GALNTL6: variants seen among roughly 807,000 people sequenced by gnomAD.
GALNTL6 encodes the protein polypeptide N-acetylgalactosaminyltransferase-like 6.
GALNTL6 carries 46 observed loss-of-function variants against 73.7 expected under a neutral mutation model. The ratio of observed to expected loss-of-function variants is 0.62; its 90% CI spans 0.49 to 0.80. The LOEUF (loss-of-function observed/expected upper bound fraction) is 0.80. Among genes scored for constraint, GALNTL6 ranks in the 30% least tolerant of loss-of-function variants. GALNTL6 has a pLI of 0.00. For synonymous variants in GALNTL6, 259 were observed against 263.7 expected, an observed-to-expected ratio of 0.98 and a Z score of 0.17; for missense variants, 604 against 755.0, an observed-to-expected ratio of 0.80 and a Z score of 2.34.
chr4:172,392,461 CA>C (rs1335446116), intron 5 of GALNTL6, among the ~76,000 whole-genome samples: 5 of 69,310 alleles, frequency 7.2e-5, no homozygotes, highest in African/African-American at 1.7e-4. Context: ...ATTTCTTATT[CA>C]TTTTTTTTTT....
At chr4:172,112,736 T>C (rs1732887308) in intron 2 of GALNTL6, among the ~76,000 whole-genome samples, 1 of 152,006 alleles carries the variant, frequency 6.6e-6, no homozygotes, top group Non-Finnish European at 1.5e-5. Flanking sequence ...TATTAGGAAG[T>C]AGGATCTTTA....
At chr4:172,089,648 AC>A (rs1369832358) in intron 2 of GALNTL6, among the ~76,000 whole-genome samples, 2 of 152,196 alleles carry the variant, frequency 1.3e-5, no homozygotes, top group Non-Finnish European at 2.9e-5. Context: ...GAATTTAGTA[AC>A]AAGTGCACTA....
chr4:172,649,166 T>A (rs1011758537), intron 5 of GALNTL6, among the ~76,000 whole-genome samples: 8 of 152,326 alleles, frequency 5.3e-5, no homozygotes, highest in Middle Eastern at 3.4e-3. Context: ...GACTTTTTTT[T>A]ATATATTACG....
At chr4:172,650,269 C>T (rs949155420) in intron 5 of GALNTL6, among the ~76,000 whole-genome samples, 2 of 151,942 alleles carry the variant, frequency 1.3e-5, no homozygotes, top group Admixed American at 1.3e-4. Flanking sequence ...AAAAGAACAG[C>T]GGTACCATAT....
rs138759154 is a variant in GALNTL6, at chr4:172,455,167, T to C, written c.553+106478T>C. Among the ~76,000 whole-genome samples, 513 of 152,260 alleles carry C rather than the reference T, an allele frequency of 3.4e-3. 1 individual carries two copies. The highest frequency in any genetic ancestry group is 0.012 in the African/African-American group (479 of 41,544). On this transcript the variant is annotated intron_variant, in intron 5 of 12. Coordinates refer to ENST00000506823, the MANE Select transcript of GALNTL6 (RefSeq NM_001034845.3). ...TGAGGGACTGTGCTGTGAGGAACAG[T>C]GCACTTTGGCCCAGCTACTACACTT...
chr4:172,656,591 G>A (rs560976983), intron 5 of GALNTL6, among the ~76,000 whole-genome samples: 47 of 152,162 alleles, frequency 3.1e-4, no homozygotes, highest in African/African-American at 9.6e-4. Flanking sequence ...GCAATGACAC[G>A]GTGTTCTGTT....
At position 172,711,483 on chromosome 4, in the gene GALNTL6, G is replaced by T. The variant is rs1346880221; in HGVS notation, c.554-97878G>T. On this transcript the variant is annotated intron_variant, in intron 5 of 12. Transcript: ENST00000506823. ...CAAACTCAGTGGCTTGCATTTCAAA[G>T]GAATCCCTCTGGCTTTTGGGTGAAT... Among the ~76,000 whole-genome samples, 3 of 152,048 alleles carry T rather than the reference G, an allele frequency of 2.0e-5. No homozygotes were observed. The East Asian group carries it at 5.8e-4, about 29-fold the overall frequency.
At chr4:171,922,206 C>T (rs999489518) in intron 2 of GALNTL6, among the ~76,000 whole-genome samples, 25 of 151,942 alleles carry the variant, frequency 1.6e-4, no homozygotes, top group African/African-American at 2.9e-4. Flanking sequence ...TTAATGATGA[C>T]TTTAAGAAAT....
intron 2 of GALNTL6, among the ~76,000 whole-genome samples, chr4:171,992,101 G>A (rs539103736): frequency 1.4e-4 from 22 of 151,898 alleles, no homozygotes; most frequent in Admixed American, 9.2e-4. Context: ...AATTTTCATC[G>A]CAATTCATGA....
intron 2 of GALNTL6, among the ~76,000 whole-genome samples, chr4:172,189,162 A>G (rs1345038821): frequency 6.6e-6 from 1 of 152,170 alleles, no homozygotes; most frequent in Non-Finnish European, 1.5e-5. Context: ...CTATAATATG[A>G]TAAAATCTAA....
intron 5 of GALNTL6, among the ~76,000 whole-genome samples, chr4:172,470,765 A>T (rs1343654479): frequency 6.6e-6 from 1 of 152,242 alleles, no homozygotes; most frequent in African/African-American, 2.4e-5. Flanking sequence ...TGATTCCACA[A>T]TTCATGCAAT....
intron 5 of GALNTL6, among the ~76,000 whole-genome samples, chr4:172,606,467 AAAC>A (rs1343868564): frequency 6.9e-6 from 1 of 145,064 alleles, no homozygotes; most frequent in Non-Finnish European, 1.5e-5. Flanking sequence ...AACAAAAAAA[AAAC>A]AAAGAAAACA....
chr4:172,006,361 C>T (rs1276745053), intron 2 of GALNTL6, among the ~76,000 whole-genome samples: 1 of 152,162 alleles, frequency 6.6e-6, no homozygotes, highest in Non-Finnish European at 1.5e-5. Flanking sequence ...GACACGGTGG[C>T]TCTTGCCTGT....
At chr4:172,292,251 C>A (rs1739501416) in intron 3 of GALNTL6, among the ~76,000 whole-genome samples, 1 of 151,072 alleles carries the variant, frequency 6.6e-6, no homozygotes, top group Non-Finnish European at 1.5e-5. Context: ...AAAGAACAAC[C>A]AATATAATGA....
At chr4:171,849,296 C>T (rs1667148567) in intron 2 of GALNTL6, among the ~76,000 whole-genome samples, 1 of 152,274 alleles carries the variant, frequency 6.6e-6, no homozygotes, top group African/African-American at 2.4e-5. Flanking sequence ...ATGGGAAACT[C>T]AGGTTGTTGC....
intron 2 of GALNTL6, among the ~76,000 whole-genome samples, chr4:172,088,365 T>C (rs1473099818): frequency 6.6e-6 from 1 of 152,164 alleles, no homozygotes; most frequent in Non-Finnish European, 1.5e-5. Flanking sequence ...AGCAAATTAA[T>C]AGGAAAATGC....
intron 4 of GALNTL6, among the ~76,000 whole-genome samples, chr4:172,325,762 T>C (rs181416916): frequency 3.6e-4 from 54 of 151,936 alleles, no homozygotes; most frequent in African/African-American, 9.9e-4. Flanking sequence ...TAAAATGTTA[T>C]GCAAAGATTA....
At chr4:171,943,248 T>A (rs1738602778) in intron 2 of GALNTL6, among the ~76,000 whole-genome samples, 1 of 152,228 alleles carries the variant, frequency 6.6e-6, no homozygotes, top group Admixed American at 6.5e-5. Flanking sequence ...CTGGACATGA[T>A]GCCCCTCGGG....
chr4:172,208,502 G>A (rs1275080100), intron 2 of GALNTL6, among the ~76,000 whole-genome samples: 3 of 152,084 alleles, frequency 2.0e-5, no homozygotes, highest in Non-Finnish European at 2.9e-5. Flanking sequence ...ATCTGCTGAA[G>A]GCCTTCTCAC....
Sources: allele counts gnomAD v4.1 joint callset (sites outside exome capture counted in the v4.1 genomes callset), GRCh38; gene constraint gnomAD v4.1.1; transcripts MANE v1.5; gene names NCBI Gene and HGNC (gene_info 2026-07-23, HGNC 2026-07-21).